Variants in ST3GAL2 observed in about 807,000 individuals in gnomAD.
ST3GAL2 encodes the protein ST3 beta-galactoside alpha-2,3-sialyltransferase 2, also known as CMP-N-acetylneuraminate-beta-galactosamide-alpha-2,3-sialyltransferase 2.
A neutral mutation model predicts 37.5 loss-of-function variants in ST3GAL2; 16 were observed. The observed-to-expected ratio is 0.43, with a 90% CI of 0.29 to 0.65. The LOEUF is 0.65. ST3GAL2 is among the 30% of genes least tolerant of loss of function. ST3GAL2 has a pLI of 0.17. For synonymous variants in ST3GAL2, 238 were observed against 202.9 expected (o/e 1.17, Z -1.47); for missense variants, 383 against 487.8 (o/e 0.79, Z 2.02).
At chr16:70,421,819 C>T (rs1243995227) in intron 1 of ST3GAL2, among the ~76,000 whole-genome samples, 2 of 151,612 alleles carry the variant, frequency 1.3e-5, no homozygotes, top group Non-Finnish European at 2.9e-5. Context: ...GTACACACAA[C>T]ACCGCACCTG....
At chr16:70,432,679 T>C (rs932691328) in intron 1 of ST3GAL2, among the ~76,000 whole-genome samples, 71 of 152,290 alleles carry the variant, frequency 4.7e-4, no homozygotes, top group African/African-American at 1.6e-3. Flanking sequence ...TCTTGCGACA[T>C]GTCACTTGGA....
chr16:70,426,043 C>G (rs914451107), intron 1 of ST3GAL2, among the ~76,000 whole-genome samples: 1 of 152,182 alleles, frequency 6.6e-6, no homozygotes, highest in Non-Finnish European at 1.5e-5. Flanking sequence ...GGGTGCCATG[C>G]CTTTTGCTGT....
rs1351269455 is a variant in ST3GAL2, at chr16:70,376,774, ACT to A, written c.*4913_*4914del. 6.7e-6 allele frequency: 1 copy of A among 150,004 alleles called. No homozygotes were observed. Among genetic ancestry groups the A allele is most frequent in the Admixed American group, 6.7e-5 (1 of 15,010 alleles). 9.3% of individuals were successfully genotyped at this position (150,004 alleles called of 1,614,324 possible). On this transcript the variant is annotated 3_prime_UTR_variant, in exon 7 of 7. Transcript: ENST00000342907. Reference sequence around the variant, plus strand: ...TTTTTTTTTTTTGAGACGGAGTCTTACTCTGTCGCTCAGGCTGGAGTGCAGTG... The same window carrying A: ...TTTTTTTTTTTTGAGACGGAGTCTTACTGTCGCTCAGGCTGGAGTGCAGTG...
intron 1 of ST3GAL2, among the ~76,000 whole-genome samples, chr16:70,410,505 G>C (rs193184342): frequency 6.6e-6 from 1 of 151,088 alleles, no homozygotes; most frequent in Admixed American, 6.6e-5. Flanking sequence ...TGCCTGCGTC[G>C]GCCTCCCAAA....
At chr16:70,434,676 A>G (rs2047813773) in intron 1 of ST3GAL2, among the ~76,000 whole-genome samples, 1 of 152,152 alleles carries the variant, frequency 6.6e-6, no homozygotes, top group African/African-American at 2.4e-5. Context: ...TGCTGTGAGG[A>G]TTCACTAACA....
chr16:70,430,109 G>A (rs779978578), intron 1 of ST3GAL2, among the ~76,000 whole-genome samples: 2 of 152,188 alleles, frequency 1.3e-5, no homozygotes, highest in Admixed American at 6.5e-5. Context: ...CTGGGCCCTC[G>A]GCCAGCCCAG....
chr16:70,382,561 G>C (rs2047413508), intron 6 of ST3GAL2, among the ~76,000 whole-genome samples: 1 of 152,184 alleles, frequency 6.6e-6, no homozygotes, highest in African/African-American at 2.4e-5. Flanking sequence ...TGGGATTACA[G>C]GCGTCAGCCA....
rs571122626 is a variant in ST3GAL2, at chr16:70,397,479, T to C, written c.339+713A>G. 7.8e-4 allele frequency among the ~76,000 whole-genome samples: 118 copies of C among 152,094 alleles called. 1 individual carries two copies. Among genetic ancestry groups the C allele is most frequent in the African/African-American group, 2.6e-3 (107 of 41,520 alleles). On this transcript the variant is annotated intron_variant, in intron 2 of 6. Transcript: ENST00000342907. Reference sequence around the variant, plus strand: ...TGGCTCACGCCTGTAATCCCAGCACTTTGGGAAGCTGAGGCGGGCAGATCA... The same window carrying C: ...TGGCTCACGCCTGTAATCCCAGCACCTTGGGAAGCTGAGGCGGGCAGATCA...
intron 2 of ST3GAL2, among the ~76,000 whole-genome samples, chr16:70,395,424 G>C (rs1235420952): frequency 2.6e-5 from 4 of 152,226 alleles, no homozygotes; most frequent in Admixed American, 2.6e-4. Context: ...GCTAGTCACA[G>C]TTAGCTCTGA....
chr16:70,409,083 CA>C (rs1368810549), intron 1 of ST3GAL2, among the ~76,000 whole-genome samples: 2 of 151,830 alleles, frequency 1.3e-5, no homozygotes, highest in East Asian at 1.9e-4. Context: ...TCGGAGTGGG[CA>C]GGGGGAAATC....
At chr16:70,382,004 C>T in intron 6 of ST3GAL2, 142 bp from the exon 7 acceptor site, 1 of 942,814 alleles carries the variant, frequency 1.1e-6, no homozygotes, top group Non-Finnish European at 1.6e-6. Flanking sequence ...AGGACATGGA[C>T]TCACATGGGG....
Position 70,398,827 on chromosome 16 carries a change from G to T in ST3GAL2, c.-297C>A. The stretch of plus-strand genomic sequence containing the variant: ...GCTCTGCCTCTCCTGCCACCCTGGT[G>T]AGGGGGAGGTCAGTCCATTGCAGCC... On this transcript the variant is annotated 5_prime_UTR_variant, in exon 2 of 7. Coordinates refer to ENST00000342907, the MANE Select transcript of ST3GAL2 (RefSeq NM_006927.4). 3 of 565,854 alleles carry T rather than the reference G, an allele frequency of 5.3e-6. No individual in the cohort carries two copies. The highest frequency in any genetic ancestry group is 9.4e-6 in the Non-Finnish European group (3 of 318,812). 35.1% of individuals were successfully genotyped at this position (565,854 alleles called of 1,614,324 possible).
intron 6 of ST3GAL2, 53 bp downstream of exon 6, chr16:70,382,752 C>G: frequency 6.2e-7 from 1 of 1,610,956 alleles, no homozygotes; most frequent in Non-Finnish European, 8.5e-7. Context: ...CCGAGAAGGC[C>G]TGCACTCCTC....
intron 1 of ST3GAL2, among the ~76,000 whole-genome samples, chr16:70,420,249 T>C (rs2047706030): frequency 6.6e-6 from 1 of 152,112 alleles, no homozygotes; most frequent in Non-Finnish European, 1.5e-5. Context: ...AAGCCTTTTG[T>C]ATGGCAGTTC....
chr16:70,411,827 T>A (rs2047640297), intron 1 of ST3GAL2, among the ~76,000 whole-genome samples: 1 of 151,968 alleles, frequency 6.6e-6, no homozygotes, highest in Non-Finnish European at 1.5e-5. Flanking sequence ...AAACCCCGTC[T>A]CTACTGAAAA....
chr16:70,388,690 A>G, intron 3 of ST3GAL2, 144 bp from the exon 4 acceptor site: 2 of 889,556 alleles, frequency 2.2e-6, no homozygotes, highest in African/African-American at 1.7e-5. Flanking sequence ...AATCTGCCCT[A>G]TAAAAATGGT....
chr16:70,434,266 G>T, intron 1 of ST3GAL2, among the ~76,000 whole-genome samples: 1 of 151,990 alleles, frequency 6.6e-6, no homozygotes, highest in Non-Finnish European at 1.5e-5. Flanking sequence ...GCAAAACCCC[G>T]TCTCTAGTAA....
At chr16:70,389,202 CAAAAAAAAAAAAAAAAAAAAAAAAAAA>C (rs1160368910) in intron 3 of ST3GAL2, among the ~76,000 whole-genome samples, 19 of 27,376 alleles carry the variant, frequency 6.9e-4, no homozygotes, top group South Asian at 6.2e-3. Context: ...CCCATCTCTA[CAAAAAAAAAAAAAAAAAAAAAAAAAAA>C]AAAAAAAAAA....
intron 5 of ST3GAL2, 74 bp from the exon 6 acceptor site, chr16:70,382,998 C>G: frequency 3.1e-6 from 5 of 1,590,834 alleles, no homozygotes; most frequent in Non-Finnish European, 4.3e-6. Flanking sequence ...GCAGCTTCTA[C>G]TTGTCTATGC....
Sources: gnomAD v4.1 joint callset for allele counts (sites outside exome capture counted in the v4.1 genomes callset) on GRCh38, gnomAD v4.1.1 for gene constraint, MANE v1.5 for transcripts, NCBI Gene and HGNC (gene_info 2026-07-23, HGNC 2026-07-21) for gene names.